Variants in CDH23 observed in about 807,000 individuals in gnomAD.
CDH23 encodes cadherin related 23, also known as cadherin-23.
In CDH23, 189 loss-of-function variants were observed where a neutral mutation model predicts 317.1. The ratio of observed to expected loss-of-function variants is 0.60; its 90% CI spans 0.53 to 0.67. The LOEUF is 0.67. Among genes scored for constraint, CDH23 ranks in the 30% least tolerant of loss-of-function variants. The pLI is 0.00. For synonymous variants in CDH23, 1,839 were observed against 1,876.8 expected (o/e 0.98, Z 0.52); for missense variants, 4,401 against 4,592.4 (o/e 0.96, Z 1.20).
chr10:71,550,371 T>A (rs1856511140), intron 6 of CDH23, among the ~76,000 whole-genome samples: 1 of 151,514 alleles, frequency 6.6e-6, no homozygotes. Context: ...GGGCAACATA[T>A]CAAGAGCCCA....
intron 30 of CDH23, among the ~76,000 whole-genome samples, chr10:71,730,008 G>A (rs934576543): frequency 6.6e-6 from 1 of 151,890 alleles, no homozygotes; most frequent in Non-Finnish European, 1.5e-5. Context: ...CTAATTTTTT[G>A]TATTTTTAGT....
intron 11 of CDH23, among the ~76,000 whole-genome samples, chr10:71,620,188 C>T (rs1450574320): frequency 6.6e-6 from 1 of 152,092 alleles, no homozygotes; most frequent in African/African-American, 2.4e-5. Context: ...GAAGTGGCTC[C>T]GTGACTTCTA....
intron 14 of CDH23, chr10:71,647,253 G>T (rs574654056): frequency 5.0e-4 from 121 of 242,132 alleles, no homozygotes; most frequent in Non-Finnish European, 6.9e-4. Context: ...ACTTGAGGTC[G>T]GGAGTTTGAG....
chr10:71,439,350 C>T (rs931742337), intron 1 of CDH23, among the ~76,000 whole-genome samples: 4 of 152,202 alleles, frequency 2.6e-5, no homozygotes, highest in African/African-American at 9.6e-5. Flanking sequence ...TGGGATTGGG[C>T]TTGTTGGACT....
At position 71,716,188 on chromosome 10, in the gene CDH23, G is replaced by A. The variant is rs1014006280; in HGVS notation, c.3369+3375G>A. 9 of 1,551,154 alleles carry A rather than the reference G, an allele frequency of 5.8e-6. No individual in the cohort carries two copies. The African/African-American group carries it at 6.8e-5, about 12-fold the overall frequency. On this transcript the variant is annotated intron_variant, in intron 28 of 69. Transcript: ENST00000224721. ...AGAGCGTCATGAACAGCAGACAGGT[G>A]GCCAGCAGGAGGAAGATGCAGGCCA...
chr10:71,682,396 C>G, intron 17 of CDH23, 49 bp from the exon 18 acceptor site: 1 of 1,599,810 alleles, frequency 6.3e-7, no homozygotes, highest in Non-Finnish European at 8.5e-7. Context: ...TCTGGACGGG[C>G]ATCTCAAGTC....
intron 9 of CDH23, among the ~76,000 whole-genome samples, chr10:71,585,146 G>A (rs544730510): frequency 2.6e-4 from 40 of 152,246 alleles, no homozygotes; most frequent in Admixed American, 3.3e-4. Flanking sequence ...TTGTGGTGAC[G>A]TACAGGAACC....
At position 71,566,865 on chromosome 10, in the gene CDH23, G is replaced by GGTATCGTCACAGTGATCCGGGA; in HGVS notation, c.555_576dup (p.Leu193TyrfsTer80). 6.2e-7 allele frequency: 1 copy of GGTATCGTCACAGTGATCCGGGA among 1,613,918 alleles called. No individual in the cohort carries two copies. Among genetic ancestry groups the GGTATCGTCACAGTGATCCGGGA allele is most frequent in the Non-Finnish European group, 8.5e-7 (1 of 1,179,880 alleles). On this transcript the variant is annotated frameshift_variant, in exon 7 of 70. Transcript: ENST00000224721. LOFTEE classifies it high-confidence loss of function. The stretch of plus-strand genomic sequence containing the variant: ...ATTCTTCGCCATTGACAGCGCCCGC[G>GGTATCGTCACAGTGATCCGGGA]GTATCGTCACAGTGATCCGGGAGCT...
chr10:71,677,393 C>T, intron 15 of CDH23, 63 bp from the exon 16 acceptor site: 1 of 1,332,732 alleles, frequency 7.5e-7, no homozygotes, highest in South Asian at 1.4e-5. Flanking sequence ...AAATGCCGGC[C>T]CCATCAACAA....
chr10:71,779,237 G>A (rs1285598036), intron 40 of CDH23, 30 bp from the exon 41 acceptor site: 3 of 1,611,652 alleles, frequency 1.9e-6, no homozygotes, highest in Non-Finnish European at 2.5e-6. Flanking sequence ...GCTGGGGTGA[G>A]GCCTTGGCTA....
intron 3 of CDH23, among the ~76,000 whole-genome samples, chr10:71,475,430 G>T (rs956587271): frequency 6.6e-6 from 1 of 152,182 alleles, no homozygotes; most frequent in Non-Finnish European, 1.5e-5. Flanking sequence ...CTTGGCTCCC[G>T]AGAGGGGAGG....
At chr10:71,402,745 G>GCACA (rs150376431) in intron 1 of CDH23, among the ~76,000 whole-genome samples, 1 of 147,036 alleles carries the variant, frequency 6.8e-6, no homozygotes, top group Non-Finnish European at 1.5e-5. Context: ...GTGTGTGTGT[G>GCACA]CACGCGCGCG....
Position 71,815,146 on chromosome 10 carries a change from G to A in CDH23, c.9933G>A (p.Ser3311=), listed in dbSNP as rs367684899. 51 of 1,611,030 alleles carry A rather than the reference G, an allele frequency of 3.2e-5. No homozygotes were observed. Among genetic ancestry groups the A allele is most frequent in the Non-Finnish European group, 3.8e-5 (45 of 1,179,006 alleles). ...AAGACCAGAAGGGCCTGGGCCGCTCGCTGGAGACGCTGACCGCTGCCGAGG... is the reference window on the plus strand; with the variant it reads ...AAGACCAGAAGGGCCTGGGCCGCTCACTGGAGACGCTGACCGCTGCCGAGG... ...PEEDQKGLGR[S]LETLTAAEAT... The change falls in exon 70 of 70, where the codon TCG becomes TCA. Residue 3311 remains serine, a synonymous_variant. Transcript: ENST00000224721.
At chr10:71,588,772 G>T (rs1859258899) in intron 9 of CDH23, among the ~76,000 whole-genome samples, 2 of 152,194 alleles carry the variant, frequency 1.3e-5, no homozygotes, top group African/African-American at 4.8e-5. Flanking sequence ...CAGCTCTCCT[G>T]CCCTCATCCC....
intron 57 of CDH23, 32 bp downstream of exon 57, chr10:71,806,313 C>T (rs758489521): frequency 1.4e-6 from 2 of 1,454,184 alleles, no homozygotes; most frequent in Non-Finnish European, 1.9e-6. Context: ...GCTGGTCACA[C>T]CCACACAGGG....
chr10:71,509,745 C>G (rs573954400), intron 3 of CDH23, among the ~76,000 whole-genome samples: 1 of 152,200 alleles, frequency 6.6e-6, no homozygotes, highest in African/African-American at 2.4e-5. Flanking sequence ...TATTGGGGGC[C>G]TGTCCTCATC....
intron 6 of CDH23, among the ~76,000 whole-genome samples, chr10:71,535,288 T>C (rs1232224546): frequency 2.6e-5 from 4 of 152,186 alleles, no homozygotes; most frequent in Non-Finnish European, 5.9e-5. Context: ...TTTGCATTCC[T>C]GATCAGGTCT....
chr10:71,577,788 C>A, intron 8 of CDH23, 126 bp from the exon 9 acceptor site: 1 of 752,574 alleles, frequency 1.3e-6, no homozygotes, highest in Non-Finnish European at 2.3e-6. Flanking sequence ...CCCTTGGCAT[C>A]TACTTCCTGG....
chr10:71,580,848 AC>A (rs774558823), intron 9 of CDH23, among the ~76,000 whole-genome samples: 2 of 148,646 alleles, frequency 1.3e-5, no homozygotes, highest in South Asian at 2.2e-4. Context: ...GGCTGCCCCC[AC>A]CCCCCATTCC....
Sources: gnomAD v4.1 joint callset for allele counts (sites outside exome capture counted in the v4.1 genomes callset) on GRCh38, gnomAD v4.1.1 for gene constraint, MANE v1.5 for transcripts, NCBI Gene and HGNC (gene_info 2026-07-23, HGNC 2026-07-21) for gene names.